Variants in ZMYND12 observed in about 807,000 individuals in gnomAD.
ZMYND12 encodes zinc finger MYND domain-containing protein 12.
Under a neutral mutation model 41.7 loss-of-function variants are expected in ZMYND12, and 32 were observed. The ratio of observed to expected loss-of-function variants is 0.77; its 90% CI spans 0.58 to 1.03. The LOEUF is 1.03. Among genes scored for constraint, ZMYND12 ranks in the 50% least tolerant of loss-of-function variants. ZMYND12 has a pLI of 0.00. For synonymous variants in ZMYND12, 148 were observed against 164.8 expected, an observed-to-expected ratio of 0.90 and a Z score of 0.78; for missense variants, 424 against 438.5, an observed-to-expected ratio of 0.97 and a Z score of 0.30.
intron 7 of ZMYND12, among the ~76,000 whole-genome samples, chr1:42,431,937 A>G (rs1004415214): frequency 6.6e-6 from 1 of 152,094 alleles, no homozygotes; most frequent in Non-Finnish European, 1.5e-5. Flanking sequence ...GGGAGGAGGG[A>G]GGAAAGGAGT....
chr1:42,433,032 G>A, intron 7 of ZMYND12, 111 bp downstream of exon 7: 2 of 1,380,556 alleles, frequency 1.4e-6, no homozygotes, highest in East Asian at 2.3e-5. Context: ...TGGAGTGAGG[G>A]CTTGCTCTGA....
intron 1 of ZMYND12, among the ~76,000 whole-genome samples, chr1:42,452,390 GT>G: frequency 6.6e-6 from 1 of 152,244 alleles, no homozygotes; most frequent in African/African-American, 2.4e-5. Context: ...TGTCACCAAT[GT>G]TTTAGTATGT....
At chr1:42,445,873 G>A (rs1009961963) in intron 3 of ZMYND12, among the ~76,000 whole-genome samples, 4 of 152,178 alleles carry the variant, frequency 2.6e-5, no homozygotes, top group African/African-American at 9.7e-5. Context: ...CTAGATGAGA[G>A]ATGATGAGAC....
At position 42,446,477 on chromosome 1, in the gene ZMYND12, C is replaced by T. The variant is rs112765041; in HGVS notation, c.424+1990G>A. Among the ~76,000 whole-genome samples the T allele has an allele frequency of 1.8e-3, 269 of 151,984 alleles. 1 individual carries two copies. Among genetic ancestry groups the T allele is most frequent in the African/African-American group, 6.2e-3 (259 of 41,446 alleles). ...GTTCAAGATCACAAACATGGTGAAA[C>T]CCCGTCTCTACTACAAATACAAAAA... On this transcript the variant is annotated intron_variant, in intron 3 of 7. Transcript: ENST00000372565.
At chr1:42,430,988 T>G in intron 7 of ZMYND12, 130 bp from the exon 8 acceptor site, 2 of 1,296,776 alleles carry the variant, frequency 1.5e-6, no homozygotes, top group Admixed American at 4.5e-5. Flanking sequence ...ACTGAGCTCT[T>G]GTTGATAAAC....
intron 1 of ZMYND12, 117 bp from the exon 2 acceptor site, chr1:42,450,176 CAGGG>C: frequency 2.5e-6 from 3 of 1,221,040 alleles, no homozygotes; most frequent in Non-Finnish European, 3.4e-6. Flanking sequence ...ACAAACCAGG[CAGGG>C]AGCTCAAAGC....
chr1:42,446,136 C>T (rs1643021350), intron 3 of ZMYND12, among the ~76,000 whole-genome samples: 1 of 152,040 alleles, frequency 6.6e-6, no homozygotes, highest in Admixed American at 6.6e-5. Flanking sequence ...AGTCAGGGCC[C>T]ATGGAGCGGG....
Position 42,433,131 on chromosome 1 carries a change from A to G in ZMYND12, c.975+12T>C. 1 of 1,604,078 alleles carries G rather than the reference A, an allele frequency of 6.2e-7. No homozygotes were observed. Among genetic ancestry groups the G allele is most frequent in the Non-Finnish European group, 8.5e-7 (1 of 1,177,190 alleles). ...TTCATTTTAGACGTGTTGCTTTTTT[A>G]GGGAAACTTGCCTTTGAAGAATTCA... On this transcript the variant is annotated intron_variant, in intron 7 of 7. Transcript: ENST00000372565.
At chr1:42,455,198 A>G (rs1643143992) in intron 1 of ZMYND12, among the ~76,000 whole-genome samples, 1 of 152,124 alleles carries the variant, frequency 6.6e-6, no homozygotes, top group South Asian at 2.1e-4. Context: ...ACCCTTCTTC[A>G]CTACTCCTGT....
intron 3 of ZMYND12, among the ~76,000 whole-genome samples, chr1:42,441,760 A>G (rs12128810): frequency 0.22 from 33,627 of 150,686 alleles, 4,823 homozygotes; most frequent in Non-Finnish European, 0.31. Context: ...AGCTGGGACT[A>G]CAGGCGCCCG....
chr1:42,454,682 A>T (rs1428980107), intron 1 of ZMYND12, among the ~76,000 whole-genome samples: 1 of 148,390 alleles, frequency 6.7e-6, no homozygotes, highest in African/African-American at 2.5e-5. Context: ...AACTTCTACT[A>T]CCTATCACAA....
chr1:42,430,918 C>A, intron 7 of ZMYND12, 60 bp from the exon 8 acceptor site: 2 of 1,601,806 alleles, frequency 1.2e-6, no homozygotes, highest in Non-Finnish European at 1.7e-6. Flanking sequence ...CACTGGGAAG[C>A]CCCATCTGTG....
intron 6 of ZMYND12, among the ~76,000 whole-genome samples, chr1:42,434,180 C>T (rs1642882778): frequency 6.6e-6 from 1 of 152,146 alleles, no homozygotes; most frequent in Non-Finnish European, 1.5e-5. Flanking sequence ...TCACCAACTG[C>T]ACTGTATGTC....
At chr1:42,451,255 G>A (rs1347695993) in intron 1 of ZMYND12, among the ~76,000 whole-genome samples, 1 of 152,098 alleles carries the variant, frequency 6.6e-6, no homozygotes, top group South Asian at 2.1e-4. Flanking sequence ...ATCACTGAAG[G>A]TAGGATATTG....
chr1:42,445,913 A>G (rs1408825248), intron 3 of ZMYND12, among the ~76,000 whole-genome samples: 2 of 152,312 alleles, frequency 1.3e-5, no homozygotes, highest in East Asian at 3.9e-4. Flanking sequence ...CCAGAATCCC[A>G]TAGCTAGCCA....
chr1:42,440,196 A>AC (rs1157831591), intron 3 of ZMYND12, among the ~76,000 whole-genome samples, 171 bp from the exon 4 acceptor site: 2 of 152,118 alleles, frequency 1.3e-5, no homozygotes, highest in Non-Finnish European at 2.9e-5. Flanking sequence ...GTAAAAAAAA[A>AC]AAAAACAGAA....
chr1:42,437,841 C>A, intron 4 of ZMYND12, among the ~76,000 whole-genome samples: 1 of 152,192 alleles, frequency 6.6e-6, no homozygotes, highest in East Asian at 1.9e-4. Context: ...GCCACCACAC[C>A]CAGCTAATTT....
intron 7 of ZMYND12, 148 bp from the exon 8 acceptor site, chr1:42,431,006 C>T: frequency 8.7e-7 from 1 of 1,148,670 alleles, no homozygotes; most frequent in South Asian, 1.6e-5. Flanking sequence ...AACCTGTAAA[C>T]ACACTGGGCC....
At chr1:42,455,447 A>AT (rs1236430948) in intron 1 of ZMYND12, among the ~76,000 whole-genome samples, 1 of 152,092 alleles carries the variant, frequency 6.6e-6, no homozygotes, top group Non-Finnish European at 1.5e-5. Context: ...TAATTTTTGT[A>AT]TTTTTTAGTA....
Sources: gnomAD v4.1 joint callset for allele counts (sites outside exome capture counted in the v4.1 genomes callset) on GRCh38, gnomAD v4.1.1 for gene constraint, MANE v1.5 for transcripts, NCBI Gene and HGNC (gene_info 2026-07-23, HGNC 2026-07-21) for gene names.